The following PRELID2 variants were observed in gnomAD, a reference collection of about 807,000 sequenced individuals.
PRELID2 encodes the protein PRELI domain containing 2, also known as PRELI domain-containing protein 2.
In PRELID2, 25 loss-of-function variants were observed where a neutral mutation model predicts 28.4. The ratio of observed to expected loss-of-function variants is 0.88; its 90% CI spans 0.64 to 1.23. The LOEUF is 1.23. Among genes scored for constraint, PRELID2 ranks in the 50% most tolerant of loss-of-function variants. The pLI is 0.00. For synonymous variants in PRELID2, 76 were observed against 71.6 expected (o/e 1.06, Z -0.31); for missense variants, 201 against 214.4 (o/e 0.94, Z 0.39).
intron 1 of PRELID2, among the ~76,000 whole-genome samples, chr5:145,740,715 A>T: frequency 8.4e-6 from 1 of 119,506 alleles, no homozygotes; most frequent in African/African-American, 3.3e-5. Flanking sequence ...ATATAATATA[A>T]ATATATTACA....
At chr5:145,475,875 C>T (rs118978) in intron 1 of PRELID2, among the ~76,000 whole-genome samples, 58,231 of 151,854 alleles carry the variant, frequency 0.38, 11,410 homozygotes, top group Non-Finnish European at 0.4. Context: ...AATATTTTCC[C>T]ATGTGAAATG....
At chr5:145,381,564 A>G in the PRELID2 span, 1 of 152,272 alleles carries the variant, frequency 6.6e-6, no homozygotes, top group Non-Finnish European at 1.5e-5. Context: ...AAAAGTTTAG[A>G]AGGTATTTTA....
intron 1 of PRELID2, among the ~76,000 whole-genome samples, chr5:145,545,968 A>C (rs532086632): frequency 7.2e-5 from 11 of 152,300 alleles, no homozygotes; most frequent in African/African-American, 2.4e-4. Flanking sequence ...ATCTATAGAT[A>C]ATCTGAGGTC....
the PRELID2 span, among the ~76,000 whole-genome samples, chr5:145,322,156 A>G: frequency 6.6e-6 from 1 of 152,200 alleles, no homozygotes; most frequent in African/African-American, 2.4e-5. Context: ...TGTCCGTAGG[A>G]TCAAAAATTA....
At chr5:145,304,731 C>G in the PRELID2 span, among the ~76,000 whole-genome samples, 1 of 152,012 alleles carries the variant, frequency 6.6e-6, no homozygotes, top group Admixed American at 6.6e-5. Flanking sequence ...CTTAGACTTC[C>G]AGACACCAAG....
At chr5:145,301,876 C>G in the PRELID2 span, among the ~76,000 whole-genome samples, 3 of 148,214 alleles carry the variant, frequency 2.0e-5, no homozygotes, top group African/African-American at 7.5e-5. Flanking sequence ...ATTATTGTAG[C>G]TTTTTATTAA....
At chr5:145,297,196 A>G in the PRELID2 span, among the ~76,000 whole-genome samples, 1 of 151,904 alleles carries the variant, frequency 6.6e-6, no homozygotes, top group Middle Eastern at 3.2e-3. Context: ...CTTTAGTTTA[A>G]TTAGATCCCA....
chr5:145,768,757 G>A (rs1462886521), intron 5 of PRELID2, among the ~76,000 whole-genome samples: 2 of 152,102 alleles, frequency 1.3e-5, no homozygotes, highest in African/African-American at 2.4e-5. Context: ...GAAGACTGAG[G>A]TTTTCCTTGG....
chr5:145,343,357 C>T, the PRELID2 span, among the ~76,000 whole-genome samples: 27,593 of 151,566 alleles, frequency 0.18, 2,652 homozygotes, highest in Middle Eastern at 0.29. Flanking sequence ...AGCTGTAAAT[C>T]AATACCAAGA....
At chr5:145,819,522 C>A in intron 3 of PRELID2, 1 of 681,726 alleles carries the variant, frequency 1.5e-6, no homozygotes, top group Non-Finnish European at 2.5e-6. Flanking sequence ...ACCTTATACT[C>A]TGGGAAATAA....
At chr5:145,469,061 T>C (rs1001518226), downstream of PRELID2, among the ~76,000 whole-genome samples, 1 of 152,130 alleles carries the variant, frequency 6.6e-6, no homozygotes, top group Admixed American at 6.6e-5. Context: ...CAGAAGTGTA[T>C]GTCCACCTTC....
At chr5:145,791,619 T>G (rs1752400593) in intron 5 of PRELID2, among the ~76,000 whole-genome samples, 1 of 152,076 alleles carries the variant, frequency 6.6e-6, no homozygotes, top group East Asian at 1.9e-4. Flanking sequence ...AGTTCCTGTT[T>G]GGGAAGAGAA....
the PRELID2 span, among the ~76,000 whole-genome samples, chr5:145,454,772 G>A: frequency 6.6e-6 from 1 of 152,054 alleles, no homozygotes; most frequent in African/African-American, 2.4e-5. Flanking sequence ...TCACATAAAT[G>A]TCTTCTTTTG....
chr5:145,600,434 A>AAAAAT (rs1315631607), intron 1 of PRELID2, among the ~76,000 whole-genome samples: 1 of 120,098 alleles, frequency 8.3e-6, no homozygotes, highest in African/African-American at 4.1e-5. Flanking sequence ...AAAAAAAAAA[A>AAAAAT]ATATATATAT....
chr5:145,598,560 G>A lies in PRELID2; in HGVS notation n.71-125245C>T, dbSNP rs142472244. Among the ~76,000 whole-genome samples, 285 of 152,268 alleles carry A rather than the reference G, an allele frequency of 1.9e-3. 2 individuals are homozygous for A. The highest frequency in any genetic ancestry group is 6.6e-3 in the African/African-American group (274 of 41,568). Reference sequence around the variant, plus strand: ...ATTATGAAGTGAAATAAAAGAATACGTAATTTTGGTATGAATTTGGATTCA... The same window carrying A: ...ATTATGAAGTGAAATAAAAGAATACATAATTTTGGTATGAATTTGGATTCA... On this transcript the variant is annotated intron_variant and non_coding_transcript_variant, in intron 1 of 2. Transcript: ENST00000510259.
the PRELID2 span, among the ~76,000 whole-genome samples, chr5:145,242,171 T>C: frequency 6.6e-6 from 1 of 151,950 alleles, no homozygotes; most frequent in Admixed American, 6.6e-5. Context: ...TGTGAATATA[T>C]ATATACATAT....
chr5:145,685,980 A>G (rs1387281022), intron 1 of PRELID2, among the ~76,000 whole-genome samples: 1 of 152,206 alleles, frequency 6.6e-6, no homozygotes, highest in Admixed American at 6.5e-5. Context: ...CATTCTTTGA[A>G]AAGCCCTTTG....
downstream of PRELID2, among the ~76,000 whole-genome samples, chr5:145,751,872 C>T (rs1255847152): frequency 6.6e-6 from 1 of 152,124 alleles, no homozygotes; most frequent in Non-Finnish European, 1.5e-5. Flanking sequence ...ATCCCAGCTA[C>T]TCGGGAGGCT....
intron 1 of PRELID2, among the ~76,000 whole-genome samples, chr5:145,542,791 T>TTC (rs1463693148): frequency 2.7e-5 from 4 of 148,266 alleles, no homozygotes; most frequent in African/African-American, 7.5e-5. Flanking sequence ...CTTTCTGTCT[T>TTC]TTTCTCTTTT....
Sources: gnomAD v4.1 joint callset for allele counts (sites outside exome capture counted in the v4.1 genomes callset) on GRCh38, gnomAD v4.1.1 for gene constraint, MANE v1.5 for transcripts, NCBI Gene and HGNC (gene_info 2026-07-23, HGNC 2026-07-21) for gene names.